Variants in LRMDA observed in about 807,000 individuals in gnomAD.
LRMDA encodes leucine rich melanocyte differentiation associated.
LRMDA carries 18 observed loss-of-function variants against 29.8 expected under a neutral mutation model. The observed-to-expected ratio is 0.60, with a 90% CI of 0.42 to 0.90. The LOEUF (loss-of-function observed/expected upper bound fraction) is 0.90. Ranked by LOEUF, LRMDA falls within the 40% of genes least tolerant of loss-of-function variation. The pLI, the probability that LRMDA is intolerant of heterozygous loss-of-function variation, is 0.00. For synonymous variants in LRMDA, 125 were observed against 109.4 expected (o/e 1.14, Z -0.89); for missense variants, 273 against 273.9 (o/e 1.00, Z 0.02).
intron 5 of LRMDA, among the ~76,000 whole-genome samples, chr10:76,226,711 A>C (rs930358513): frequency 1.3e-5 from 2 of 152,192 alleles, no homozygotes. Flanking sequence ...TGGGGATTAC[A>C]GTTTAAGATG....
intron 5 of LRMDA, among the ~76,000 whole-genome samples, chr10:76,292,222 G>A (rs924604977): frequency 6.6e-6 from 1 of 152,236 alleles, no homozygotes; most frequent in Admixed American, 6.5e-5. Context: ...TTAATATATA[G>A]CCTTCCAATG....
intron 6 of LRMDA, among the ~76,000 whole-genome samples, chr10:76,367,371 C>A (rs1430946895): frequency 6.6e-6 from 1 of 151,974 alleles, no homozygotes; most frequent in African/African-American, 2.4e-5. Context: ...CTGTTGTGAA[C>A]CTGTCTGGTC....
In LRMDA at chr10:75,638,755, G is replaced by A. The variant is rs11001448; in HGVS notation, c.131+200261G>A. On this transcript the variant is annotated intron_variant, in intron 2 of 6. Transcript: ENST00000611255. ...TATAAATATGTTTAAATTACATTTA[G>A]GATTTGGAATAGTTCCTTGCTTGTG... Among the ~76,000 whole-genome samples, 694 of 152,292 alleles carry A rather than the reference G, an allele frequency of 4.6e-3. 7 individuals carry two copies. Among genetic ancestry groups the A allele is most frequent in the African/African-American group, 0.016 (650 of 41,564 alleles).
chr10:76,488,564 T>C (rs968023133), intron 6 of LRMDA, among the ~76,000 whole-genome samples: 3 of 151,820 alleles, frequency 2.0e-5, no homozygotes, highest in Admixed American at 2.0e-4. Context: ...CTTCACATTT[T>C]GATGGGCATT....
At chr10:76,105,669 C>G (rs1402847088) in intron 5 of LRMDA, among the ~76,000 whole-genome samples, 1 of 152,176 alleles carries the variant, frequency 6.6e-6, no homozygotes, top group African/African-American at 2.4e-5. Context: ...CCCCTAGAGC[C>G]TTTGGAGGGA....
chr10:75,829,765 A>G (rs1195617935), intron 2 of LRMDA, among the ~76,000 whole-genome samples: 4 of 150,362 alleles, frequency 2.7e-5, no homozygotes, highest in South Asian at 2.1e-4. Flanking sequence ...GACTGGTACC[A>G]TGTTCAGCAC....
At position 76,557,206 on chromosome 10, in the gene LRMDA, C is replaced by T. The variant is rs1393798165; in HGVS notation, c.602-3C>T. 6.2e-7 allele frequency: 1 copy of T among 1,613,062 alleles called. No individual in the cohort carries two copies. The highest frequency in any genetic ancestry group is 8.5e-7 in the Non-Finnish European group (1 of 1,179,100). ...GTAATGATGTGTGTCTTTTTATTTGCAGGTGTCCTGGGGAAGTGTCGCTAC... is the reference window on the plus strand; with the variant it reads ...GTAATGATGTGTGTCTTTTTATTTGTAGGTGTCCTGGGGAAGTGTCGCTAC... On this transcript the variant is annotated splice_polypyrimidine_tract_variant and splice_region_variant and intron_variant, in intron 6 of 6. Transcript: ENST00000611255.
chr10:75,599,514 G>A (rs1172487880), intron 2 of LRMDA, among the ~76,000 whole-genome samples: 1 of 152,200 alleles, frequency 6.6e-6, no homozygotes, highest in Non-Finnish European at 1.5e-5. Flanking sequence ...TGTGTCTGGA[G>A]GATGGTCTTA....
At chr10:75,455,680 A>C (rs569119719) in intron 2 of LRMDA, among the ~76,000 whole-genome samples, 2 of 152,332 alleles carry the variant, frequency 1.3e-5, no homozygotes, top group East Asian at 3.9e-4. Context: ...GCTCCTAGAC[A>C]GGGGCATACC....
chr10:76,525,672 A>G (rs1237003712), intron 6 of LRMDA, among the ~76,000 whole-genome samples: 1 of 152,090 alleles, frequency 6.6e-6, no homozygotes, highest in Non-Finnish European at 1.5e-5. Context: ...GTTAGTCAGT[A>G]TGATTTCTAG....
intron 2 of LRMDA, among the ~76,000 whole-genome samples, chr10:75,540,144 G>T (rs757404307): frequency 6.6e-5 from 10 of 152,204 alleles, no homozygotes; most frequent in Non-Finnish European, 1.5e-4. Flanking sequence ...AAAGGGTTAG[G>T]TGCCTCAGAA....
At chr10:76,093,427 CACT>C (rs1422490903) in intron 5 of LRMDA, among the ~76,000 whole-genome samples, 1 of 152,052 alleles carries the variant, frequency 6.6e-6, no homozygotes, top group Non-Finnish European at 1.5e-5. Flanking sequence ...TGAACAAACT[CACT>C]GTGTCCCTTA....
intron 6 of LRMDA, 58 bp downstream of exon 6, chr10:76,324,543 C>T: frequency 1.3e-6 from 2 of 1,494,508 alleles, no homozygotes; most frequent in Non-Finnish European, 1.9e-6. Context: ...CTTGGCTGTG[C>T]AGAGCTCTGG....
intron 6 of LRMDA, among the ~76,000 whole-genome samples, chr10:76,528,441 C>T (rs115119806): frequency 0.015 from 2,308 of 151,924 alleles, 24 homozygotes; most frequent in African/African-American, 0.037. Context: ...AGAAAAAAGG[C>T]CAGAAGGCAA....
chr10:76,217,149 T>C (rs1222077025), intron 5 of LRMDA, among the ~76,000 whole-genome samples: 3 of 152,186 alleles, frequency 2.0e-5, no homozygotes, highest in African/African-American at 4.8e-5. Flanking sequence ...ATTTTATATA[T>C]GTGAATGTGT....
intron 5 of LRMDA, among the ~76,000 whole-genome samples, chr10:76,076,035 G>A (rs185937446): frequency 4.6e-5 from 7 of 152,190 alleles, no homozygotes; most frequent in South Asian, 2.1e-4. Context: ...CCAGGGCTTC[G>A]TGCCCAATAA....
At chr10:76,253,115 C>T (rs1002098236) in intron 5 of LRMDA, among the ~76,000 whole-genome samples, 2 of 152,180 alleles carry the variant, frequency 1.3e-5, no homozygotes, top group Admixed American at 1.3e-4. Flanking sequence ...CAGCAAAACT[C>T]TCCCATCCCT....
chr10:75,454,892 T>A (rs1283338561), intron 2 of LRMDA, among the ~76,000 whole-genome samples: 1 of 152,204 alleles, frequency 6.6e-6, no homozygotes, highest in Non-Finnish European at 1.5e-5. Flanking sequence ...GTGCTCTGCC[T>A]CTGAGGAGCA....
chr10:75,746,505 C>G (rs143442471), intron 2 of LRMDA, among the ~76,000 whole-genome samples: 149 of 152,294 alleles, frequency 9.8e-4, no homozygotes, highest in Middle Eastern at 6.8e-3. Flanking sequence ...ACTTTTGTAG[C>G]TTCTGCTGCC....
Sources: allele counts gnomAD v4.1 joint callset (sites outside exome capture counted in the v4.1 genomes callset), GRCh38; gene constraint gnomAD v4.1.1; transcripts MANE v1.5; gene names NCBI Gene and HGNC (gene_info 2026-07-23, HGNC 2026-07-21).